Variants in PPP3CA observed in about 807,000 individuals in gnomAD.
PPP3CA encodes the protein protein phosphatase 3 catalytic subunit alpha.
Under a neutral mutation model 66.5 loss-of-function variants are expected in PPP3CA, and 14 were observed. That is an observed-to-expected ratio of 0.21 (90% CI 0.14 to 0.33). The LOEUF (loss-of-function observed/expected upper bound fraction) is 0.33. PPP3CA is among the 10% of genes least tolerant of loss of function. The probability of loss-of-function intolerance (pLI) is 1.00; values close to 1 mark genes in which losing one functional copy is unlikely to be tolerated. For synonymous variants in PPP3CA, 232 were observed against 226.2 expected, an observed-to-expected ratio of 1.03 and a Z score of -0.23; for missense variants, 317 against 639.5, an observed-to-expected ratio of 0.50 and a Z score of 5.44.
chr4:101,110,072 T>G (rs2110264429), intron 2 of PPP3CA, among the ~76,000 whole-genome samples: 1 of 152,264 alleles, frequency 6.6e-6, no homozygotes, highest in East Asian at 1.9e-4. Flanking sequence ...TTTGATATTT[T>G]TATGTATTTA....
chr4:101,153,920 GA>G (rs199710610), intron 2 of PPP3CA, among the ~76,000 whole-genome samples: 76 of 146,654 alleles, frequency 5.2e-4, no homozygotes, highest in African/African-American at 1.6e-3. Flanking sequence ...GGATTCTACA[GA>G]AAAAAAAAAG....
At chr4:101,037,425 T>C (rs1358429900) in intron 11 of PPP3CA, among the ~76,000 whole-genome samples, 2 of 152,186 alleles carry the variant, frequency 1.3e-5, no homozygotes, top group East Asian at 1.9e-4. Context: ...GTAAGAAACA[T>C]GTTGGGCAAG....
rs1730034234 is a variant in PPP3CA, at chr4:101,347,057, G to A, written c.-261C>T. The A allele has an allele frequency of 5.3e-6, 3 of 567,498 alleles. No homozygotes were observed. The African/African-American group carries it at 6.1e-5, about 11-fold the overall frequency. The allele number at this position is 567,498 out of a possible 1,614,324, so 35.2% of individuals were successfully genotyped here. ...TCGCTCCGGGCTGCGCGTGTGTGGT[G>A]GTTATTTATTTATTTTCTGAGCACG... On this transcript the variant is annotated 5_prime_UTR_variant, in exon 1 of 14. Coordinates refer to ENST00000394854, the MANE Select transcript of PPP3CA (RefSeq NM_000944.5).
intron 2 of PPP3CA, among the ~76,000 whole-genome samples, chr4:101,174,152 G>A (rs908710681): frequency 1.3e-5 from 2 of 151,884 alleles, no homozygotes; most frequent in African/African-American, 4.8e-5. Context: ...AAATAGTTTG[G>A]AAGTTACTGA....
Position 101,048,365 on chromosome 4 carries a change from C to A in PPP3CA, c.1157-7799G>T, listed in dbSNP as rs536681973. On this transcript the variant is annotated intron_variant, in intron 10 of 13. Coordinates refer to ENST00000394854, the MANE Select transcript of PPP3CA (RefSeq NM_000944.5). ...TCCAGCCTGAAGACTGCTGTTCTAT[C>A]AAGAATTAGATTACTCTATTTCTAG... Among the ~76,000 whole-genome samples, 4 of 152,096 alleles carry A rather than the reference C, an allele frequency of 2.6e-5. No homozygotes were observed. The South Asian group carries it at 8.3e-4, about 32-fold the overall frequency.
At position 101,345,546 on chromosome 4, in the gene PPP3CA, TCTG is replaced by T. The variant is rs1322248564; in HGVS notation, c.58+1190_58+1192del. ...GCTCCCCGCACAGCTCATGCCCATCTCTGCTTTGCTTGGTGTCCTGACCCCCAG... is the reference window on the plus strand; with the variant it reads ...GCTCCCCGCACAGCTCATGCCCATCTCTTTGCTTGGTGTCCTGACCCCCAG... On this transcript the variant is annotated intron_variant, in intron 1 of 13. Transcript: ENST00000394854. Among the ~76,000 whole-genome samples the T allele has an allele frequency of 3.3e-5, 5 of 152,286 alleles. No homozygotes were observed. In the East Asian group the frequency reaches 9.7e-4, roughly 29 times the overall value.
At chr4:101,162,700 A>G (rs1723557936) in intron 2 of PPP3CA, among the ~76,000 whole-genome samples, 1 of 152,124 alleles carries the variant, frequency 6.6e-6, no homozygotes, top group African/African-American at 2.4e-5. Context: ...GAGTCCCCAA[A>G]CACATATGCA....
chr4:101,103,805 T>G (rs1196582155), intron 3 of PPP3CA, among the ~76,000 whole-genome samples: 2 of 152,176 alleles, frequency 1.3e-5, no homozygotes. Context: ...TCTAAGTTTT[T>G]CCTTGTGTTC....
At chr4:101,170,311 T>C (rs151030474) in intron 2 of PPP3CA, among the ~76,000 whole-genome samples, 9 of 152,062 alleles carry the variant, frequency 5.9e-5, no homozygotes, top group African/African-American at 1.2e-4. Flanking sequence ...AAATCTCCCA[T>C]AGAGATCCAA....
At chr4:101,161,647 C>A (rs374874106) in intron 2 of PPP3CA, among the ~76,000 whole-genome samples, 2 of 152,146 alleles carry the variant, frequency 1.3e-5, no homozygotes, top group African/African-American at 4.8e-5. Flanking sequence ...ATTCTAAAAT[C>A]TCTTTTTAAC....
chr4:101,050,011 T>C (rs1727941606), intron 10 of PPP3CA, among the ~76,000 whole-genome samples: 1 of 152,034 alleles, frequency 6.6e-6, no homozygotes, highest in Admixed American at 6.6e-5. Context: ...GGAGATGTAG[T>C]AAAGTTTTGC....
intron 11 of PPP3CA, among the ~76,000 whole-genome samples, chr4:101,034,206 T>C (rs1727140009): frequency 2.0e-5 from 3 of 152,132 alleles, no homozygotes. Flanking sequence ...TCCTTAGACA[T>C]ACCCAGCACA....
intron 2 of PPP3CA, among the ~76,000 whole-genome samples, chr4:101,193,670 C>A (rs933167061): frequency 2.0e-5 from 3 of 152,168 alleles, no homozygotes; most frequent in Non-Finnish European, 2.9e-5. Flanking sequence ...CTTCCTGGTC[C>A]TTCTGACTTC....
Position 101,294,380 on chromosome 4 carries a change from G to C in PPP3CA, c.58+52359C>G, listed in dbSNP as rs185299914. 2.0e-5 allele frequency among the ~76,000 whole-genome samples: 3 copies of C among 152,194 alleles called. No individual in the cohort carries two copies. The East Asian group carries it at 5.8e-4, about 29-fold the overall frequency. On this transcript the variant is annotated intron_variant, in intron 1 of 13. Transcript: ENST00000394854. ...AACCCAATTAGGAACCATCAAATTA[G>C]GCTCCTTCCAGTCCAGCAATATGTA... is the stretch of plus-strand genomic sequence containing the variant.
At chr4:101,269,443 A>G (rs2110264272) in intron 1 of PPP3CA, among the ~76,000 whole-genome samples, 1 of 152,154 alleles carries the variant, frequency 6.6e-6, no homozygotes, top group South Asian at 2.1e-4. Flanking sequence ...GAATACAGAT[A>G]AATAATATTA....
intron 2 of PPP3CA, among the ~76,000 whole-genome samples, chr4:101,169,291 A>G (rs1361189142): frequency 8.6e-5 from 13 of 151,114 alleles, no homozygotes; most frequent in South Asian, 2.1e-4. Flanking sequence ...TACCTTCTAC[A>G]TGGATTTAGC....
intron 10 of PPP3CA, among the ~76,000 whole-genome samples, chr4:101,056,720 C>G (rs564721800): frequency 1.3e-5 from 2 of 151,972 alleles, no homozygotes; most frequent in African/African-American, 2.4e-5. Flanking sequence ...AAATAAGGAG[C>G]CTGGCAAGCA....
At chr4:101,091,765 C>T (rs2110247872) in intron 6 of PPP3CA, among the ~76,000 whole-genome samples, 1 of 150,502 alleles carries the variant, frequency 6.6e-6, no homozygotes, top group Middle Eastern at 3.4e-3. Context: ...AGCTTAGCTG[C>T]CAGGGCTGGA....
At chr4:101,319,265 T>C (rs1165059762) in intron 1 of PPP3CA, among the ~76,000 whole-genome samples, 1 of 151,924 alleles carries the variant, frequency 6.6e-6, no homozygotes, top group East Asian at 1.9e-4. Flanking sequence ...TTAAACGGCA[T>C]TATTACTTTT....
Sources: allele counts gnomAD v4.1 joint callset (sites outside exome capture counted in the v4.1 genomes callset), GRCh38; gene constraint gnomAD v4.1.1; transcripts MANE v1.5; gene names NCBI Gene and HGNC (gene_info 2026-07-23, HGNC 2026-07-21).